The following EEA1 variants were observed in gnomAD, a reference collection of about 807,000 sequenced individuals.
The protein encoded by EEA1 is early endosome antigen 1.
Under a neutral mutation model 209.2 loss-of-function variants are expected in EEA1, and 111 were observed. That is an observed-to-expected ratio of 0.53 (90% CI 0.45 to 0.62). The LOEUF (loss-of-function observed/expected upper bound fraction) is 0.62. EEA1 is among the 20% of genes least tolerant of loss of function. The pLI, the probability that EEA1 is intolerant of heterozygous loss-of-function variation, is 0.00. For synonymous variants in EEA1, 536 were observed against 540.6 expected (o/e 0.99, Z 0.12); for missense variants, 1,343 against 1,530.8 (o/e 0.88, Z 2.05).
Position 92,776,003 on chromosome 12 carries a change from A to G in EEA1, c.*8T>C, listed in dbSNP as rs1025536718. On this transcript the variant is annotated 3_prime_UTR_variant, in exon 29 of 29. Transcript: ENST00000322349. ...AGTGTAATATTACTCTGAAGTTGTGATAACCCATTATCCTTGCAAGTCATT... is the reference window on the plus strand; with the variant it reads ...AGTGTAATATTACTCTGAAGTTGTGGTAACCCATTATCCTTGCAAGTCATT... The G allele has an allele frequency of 3.1e-6, 5 of 1,608,542 alleles. No individual in the cohort carries two copies. Among genetic ancestry groups the G allele is most frequent in the Non-Finnish European group, 3.4e-6 (4 of 1,177,048 alleles).
At chr12:92,897,687 C>T (rs764384612) in intron 1 of EEA1, among the ~76,000 whole-genome samples, 1 of 152,052 alleles carries the variant, frequency 6.6e-6, no homozygotes, top group Non-Finnish European at 1.5e-5. Context: ...CTTGCAGTCA[C>T]GACCCTCTAC....
intron 10 of EEA1, chr12:92,835,389 TA>T (rs1876872395): frequency 2.9e-6 from 1 of 347,464 alleles, no homozygotes; most frequent in African/African-American, 2.4e-5. Flanking sequence ...ACCCTTGAGA[TA>T]GTTTCACTCC....
Position 92,842,543 on chromosome 12 carries a change from G to GC in EEA1, c.836dup (p.Gln281ProfsTer18). On this transcript the variant is annotated frameshift_variant, in exon 10 of 29. Coordinates refer to ENST00000322349, the MANE Select transcript of EEA1 (RefSeq NM_003566.4). LOFTEE classifies it high-confidence loss of function. ...GTACATATACAGCAACTTCCTGGGG[G>GC]CCTTTGGCAAGTTCACTCCTTAGCT... 1 of 1,606,478 alleles carries GC rather than the reference G, an allele frequency of 6.2e-7. No individual in the cohort carries two copies. Among genetic ancestry groups the GC allele is most frequent in the South Asian group, 1.1e-5 (1 of 88,932 alleles).
At chr12:92,903,738 GTA>G (rs1482644082) in intron 1 of EEA1, among the ~76,000 whole-genome samples, 1 of 152,066 alleles carries the variant, frequency 6.6e-6, no homozygotes, top group African/African-American at 2.4e-5. Context: ...TACAACATTT[GTA>G]TATATTATGA....
At chr12:92,780,212 T>C in intron 24 of EEA1, 68 bp downstream of exon 24, 1 of 1,445,320 alleles carries the variant, frequency 6.9e-7, no homozygotes, top group Admixed American at 2.6e-5. Context: ...TAAATATGTA[T>C]GGGTATATAT....
chr12:92,832,077 G>C (rs1185252652), intron 11 of EEA1, among the ~76,000 whole-genome samples: 3 of 139,424 alleles, frequency 2.2e-5, no homozygotes, highest in African/African-American at 8.1e-5. Context: ...CTGGGCGACA[G>C]AGCAAGACTC....
intron 1 of EEA1, among the ~76,000 whole-genome samples, chr12:92,894,049 T>C (rs1481044981): frequency 6.6e-6 from 1 of 152,222 alleles, no homozygotes; most frequent in Non-Finnish European, 1.5e-5. Context: ...TGTGTCACAT[T>C]TTGGTAATTA....
At chr12:92,881,431 G>A (rs145498145) in intron 2 of EEA1, among the ~76,000 whole-genome samples, 4 of 152,126 alleles carry the variant, frequency 2.6e-5, no homozygotes, top group Non-Finnish European at 5.9e-5. Context: ...AGAAGGAACG[G>A]AGGGAAGGAA....
At chr12:92,812,717 C>A (rs1403822033) in intron 16 of EEA1, among the ~76,000 whole-genome samples, 1 of 152,142 alleles carries the variant, frequency 6.6e-6, no homozygotes, top group Non-Finnish European at 1.5e-5. Context: ...ACACCAAGGT[C>A]TAGGCTAGGG....
At chr12:92,833,320 T>C (rs181264400) in intron 10 of EEA1, among the ~76,000 whole-genome samples, 3 of 152,356 alleles carry the variant, frequency 2.0e-5, no homozygotes, top group Non-Finnish European at 2.9e-5. Context: ...CATCTTTTTA[T>C]GCTCTTCTTG....
intron 18 of EEA1, among the ~76,000 whole-genome samples, chr12:92,803,075 G>A (rs552330959): frequency 2.0e-5 from 3 of 152,028 alleles, no homozygotes; most frequent in Non-Finnish European, 2.9e-5. Flanking sequence ...AGCCAGAAAC[G>A]TTTTTCCATA....
intron 24 of EEA1, 96 bp from the exon 25 acceptor site, chr12:92,779,396 A>G: frequency 7.8e-6 from 9 of 1,149,212 alleles, no homozygotes; most frequent in Non-Finnish European, 1.1e-5. Flanking sequence ...TAGATCAAAT[A>G]TAGGTTTTAC....
chr12:92,804,984 C>G (rs897136920), intron 18 of EEA1, among the ~76,000 whole-genome samples: 3 of 152,016 alleles, frequency 2.0e-5, no homozygotes, highest in African/African-American at 7.3e-5. Flanking sequence ...GTTTTCCTAC[C>G]CCAATAGGAT....
intron 21 of EEA1, among the ~76,000 whole-genome samples, chr12:92,788,983 ACT>A (rs1245719435): frequency 1.3e-5 from 2 of 151,496 alleles, no homozygotes; most frequent in African/African-American, 4.9e-5. Context: ...TAATCCATAC[ACT>A]CTCTCTTTAG....
At chr12:92,898,258 G>T (rs1174247633) in intron 1 of EEA1, among the ~76,000 whole-genome samples, 1 of 152,140 alleles carries the variant, frequency 6.6e-6, no homozygotes, top group Non-Finnish European at 1.5e-5. Context: ...AGCATGCCAT[G>T]ACAAAGGGGA....
chr12:92,912,528 A>C (rs2136778162), intron 1 of EEA1, among the ~76,000 whole-genome samples: 2 of 152,310 alleles, frequency 1.3e-5, no homozygotes, highest in South Asian at 4.1e-4. Context: ...AATATGACTG[A>C]AGGTACCTTA....
At chr12:92,776,532 C>T (rs1873662969) in intron 28 of EEA1, among the ~76,000 whole-genome samples, 1 of 151,794 alleles carries the variant, frequency 6.6e-6, no homozygotes, top group Non-Finnish European at 1.5e-5. Flanking sequence ...TTTTAAAATA[C>T]CTCTGCTTTT....
intron 3 of EEA1, among the ~76,000 whole-genome samples, chr12:92,860,908 G>A (rs1227300491): frequency 2.9e-5 from 4 of 139,202 alleles, no homozygotes; most frequent in African/African-American, 1.1e-4. Flanking sequence ...AGACAAAGAA[G>A]AAGAGGAGGA....
At chr12:92,888,606 A>C (rs1356745537) in intron 2 of EEA1, among the ~76,000 whole-genome samples, 3 of 151,924 alleles carry the variant, frequency 2.0e-5, no homozygotes, top group Admixed American at 1.3e-4. Flanking sequence ...AAAAAAAAAA[A>C]CCCAAGAAAA....
Sources: allele counts gnomAD v4.1 joint callset (sites outside exome capture counted in the v4.1 genomes callset), GRCh38; gene constraint gnomAD v4.1.1; transcripts MANE v1.5; gene names NCBI Gene and HGNC (gene_info 2026-07-23, HGNC 2026-07-21).